Variants in TAF3 observed in about 807,000 individuals in gnomAD.
TAF3 encodes the protein transcription initiation factor TFIID subunit 3.
Under a neutral mutation model 80.6 loss-of-function variants are expected in TAF3, and 7 were observed. That is an observed-to-expected ratio of 0.09 (90% confidence interval 0.05 to 0.16). The LOEUF is 0.16. Among genes scored for constraint, TAF3 ranks in the 10% least tolerant of loss-of-function variants. The probability of loss-of-function intolerance (pLI) is 1.00; values close to 1 mark genes in which losing one functional copy is unlikely to be tolerated. For missense variants in TAF3, 921 were observed against 1,140.2 expected (o/e 0.81, Z 2.77); for synonymous variants, 444 against 446.1 (o/e 1.00, Z 0.06).
chr10:7,972,230 T>C (rs1316179935), intron 3 of TAF3, among the ~76,000 whole-genome samples: 1 of 152,234 alleles, frequency 6.6e-6, no homozygotes, highest in East Asian at 1.9e-4. Context: ...TTGTAGGAAA[T>C]GCCTCTGTTT....
chr10:7,884,853 T>C (rs1311396843), intron 2 of TAF3, among the ~76,000 whole-genome samples: 2 of 152,222 alleles, frequency 1.3e-5, no homozygotes, highest in African/African-American at 4.8e-5. Flanking sequence ...CCATATGTAT[T>C]AAAAGCATGA....
chr10:8,015,109 A>C lies in TAF3; in HGVS notation c.*358A>C, dbSNP rs1832092159. 2 of 176,088 alleles carry C rather than the reference A, an allele frequency of 1.1e-5. No homozygotes were observed. The highest frequency in any genetic ancestry group is 2.6e-4 in the South Asian group (2 of 7,616). The allele number at this position is 176,088 out of a possible 1,614,324, so 10.9% of individuals were successfully genotyped here. A position where few individuals can be genotyped will look rare whatever the true frequency, so the allele number is the denominator to read the frequency against. The stretch of plus-strand genomic sequence containing the variant: ...CTTTTCATTGAGGTATTAGATGAGA[A>C]GATAATGTACAAACTGCCTCAACTG... On this transcript the variant is annotated 3_prime_UTR_variant, in exon 7 of 7. Coordinates refer to ENST00000344293, the MANE Select transcript of TAF3 (RefSeq NM_031923.4).
At chr10:7,892,818 CTTTTTTTTTTTT>C (rs1020623158) in intron 2 of TAF3, among the ~76,000 whole-genome samples, 1 of 137,166 alleles carries the variant, frequency 7.3e-6, no homozygotes, top group Non-Finnish European at 1.6e-5. Context: ...TTTTCTTTTT[CTTTTTTTTTTTT>C]TTTTGAGACG....
chr10:7,839,206 G>T (rs1337920961), intron 2 of TAF3, among the ~76,000 whole-genome samples: 1 of 152,014 alleles, frequency 6.6e-6, no homozygotes, highest in African/African-American at 2.4e-5. Context: ...TGGAGTTCTC[G>T]TCCATCACCA....
At chr10:7,869,073 C>G (rs984244804) in intron 2 of TAF3, among the ~76,000 whole-genome samples, 3 of 151,952 alleles carry the variant, frequency 2.0e-5, no homozygotes, top group Non-Finnish European at 2.9e-5. Flanking sequence ...CCCTATTTTG[C>G]TTGTTAATCT....
chr10:7,845,330 A>C (rs1273486852), intron 2 of TAF3, among the ~76,000 whole-genome samples: 1 of 151,858 alleles, frequency 6.6e-6, no homozygotes, highest in Non-Finnish European at 1.5e-5. Flanking sequence ...GTGTGTGTGC[A>C]CACGGTTCCT....
intron 2 of TAF3, among the ~76,000 whole-genome samples, chr10:7,942,748 C>T (rs370646387): frequency 1.1e-4 from 17 of 148,846 alleles, no homozygotes; most frequent in East Asian, 9.6e-4. Context: ...CGTGTGGGCA[C>T]GGAGTTCTAG....
chr10:7,854,780 C>T (rs1376214383), intron 2 of TAF3, among the ~76,000 whole-genome samples: 1 of 152,096 alleles, frequency 6.6e-6, no homozygotes, highest in African/African-American at 2.4e-5. Context: ...GTATTCAGAT[C>T]CATACGTAGA....
intron 4 of TAF3, among the ~76,000 whole-genome samples, chr10:7,979,162 G>A (rs547968116): frequency 6.6e-6 from 1 of 151,934 alleles, no homozygotes; most frequent in African/African-American, 2.4e-5. Context: ...GTCTAACACG[G>A]TGAAACCCCT....
intron 2 of TAF3, among the ~76,000 whole-genome samples, chr10:7,956,881 T>G (rs998049573): frequency 7.2e-5 from 11 of 152,196 alleles, no homozygotes; most frequent in African/African-American, 2.2e-4. Context: ...TAGTTAAGAT[T>G]TTTTTGAAAA....
chr10:7,940,049 G>A (rs1837962586), intron 2 of TAF3, among the ~76,000 whole-genome samples: 1 of 152,204 alleles, frequency 6.6e-6, no homozygotes, highest in South Asian at 2.1e-4. Context: ...CAGAGATTAG[G>A]AGGAAATTAT....
chr10:7,987,914 T>C (rs1470513012), intron 4 of TAF3, among the ~76,000 whole-genome samples: 1 of 152,166 alleles, frequency 6.6e-6, no homozygotes, highest in African/African-American at 2.4e-5. Context: ...GCTGGCTCCG[T>C]CTCAGGTGAG....
intron 2 of TAF3, among the ~76,000 whole-genome samples, chr10:7,941,688 A>G (rs571258368): frequency 6.6e-6 from 1 of 152,318 alleles, no homozygotes; most frequent in East Asian, 1.9e-4. Context: ...AGGTCGGGAA[A>G]ATAGTAAGTT....
intron 2 of TAF3, among the ~76,000 whole-genome samples, chr10:7,944,451 GAAAT>G (rs1838005787): frequency 6.6e-6 from 1 of 152,076 alleles, no homozygotes; most frequent in African/African-American, 2.4e-5. Context: ...TTAAGAGAAA[GAAAT>G]AAAAAATGAA....
chr10:8,008,956 C>G (rs974172486), intron 4 of TAF3, 122 bp from the exon 5 acceptor site: 15 of 1,373,008 alleles, frequency 1.1e-5, no homozygotes, highest in Non-Finnish European at 1.5e-5. Flanking sequence ...CTTGAGCTGC[C>G]TCTAGACGTT....
chr10:7,926,462 A>G (rs1048591538), intron 2 of TAF3, among the ~76,000 whole-genome samples: 2 of 152,218 alleles, frequency 1.3e-5, no homozygotes, highest in African/African-American at 4.8e-5. Flanking sequence ...TCCATATAGT[A>G]TAAACAGAAT....
intron 2 of TAF3, among the ~76,000 whole-genome samples, chr10:7,904,150 G>A (rs1184289393): frequency 6.6e-6 from 1 of 151,742 alleles, no homozygotes; most frequent in African/African-American, 2.4e-5. Context: ...CAGCGGCAGC[G>A]AGAGCCTGTT....
chr10:7,870,890 T>A (rs549650048), intron 2 of TAF3, among the ~76,000 whole-genome samples: 1 of 152,246 alleles, frequency 6.6e-6, no homozygotes, highest in South Asian at 2.1e-4. Flanking sequence ...AAGCTCAGAG[T>A]TTCTTGTAAT....
chr10:7,866,491 CAG>C (rs1162404134), intron 2 of TAF3, among the ~76,000 whole-genome samples: 1 of 152,146 alleles, frequency 6.6e-6, no homozygotes, highest in Non-Finnish European at 1.5e-5. Context: ...GTGTGCTAGA[CAG>C]AGAAGAGTGA....
Sources: gnomAD v4.1 joint callset for allele counts (sites outside exome capture counted in the v4.1 genomes callset) on GRCh38, gnomAD v4.1.1 for gene constraint, MANE v1.5 for transcripts, NCBI Gene and HGNC (gene_info 2026-07-23, HGNC 2026-07-21) for gene names.